The following THOC5 variants were observed in gnomAD, a reference collection of about 807,000 sequenced individuals.
The protein encoded by THOC5 is Fms-interacting protein.
In THOC5, 43 loss-of-function variants were observed where a neutral mutation model predicts 92.9. The observed-to-expected ratio is 0.46, with a 90% CI of 0.36 to 0.60. The LOEUF (loss-of-function observed/expected upper bound fraction) is 0.60, where lower values mean the gene tolerates loss of function less well. Among genes scored for constraint, THOC5 ranks in the 20% least tolerant of loss-of-function variants. The pLI is 0.00. For missense variants in THOC5, 659 were observed against 849.4 expected (o/e 0.78, Z 2.79); for synonymous variants, 296 against 320.1 (o/e 0.92, Z 0.80).
At chr22:29,510,647 C>G (rs2063206232) in intron 19 of THOC5, among the ~76,000 whole-genome samples, 2 of 151,988 alleles carry the variant, frequency 1.3e-5, no homozygotes, top group Non-Finnish European at 2.9e-5. Flanking sequence ...GAGGAGGGCT[C>G]AGAGCTAAGC....
At chr22:29,509,158 C>T (rs541592548) in intron 19 of THOC5, among the ~76,000 whole-genome samples, 3 of 151,520 alleles carry the variant, frequency 2.0e-5, no homozygotes, top group South Asian at 4.2e-4. Context: ...GGAGCTCAGC[C>T]TGGAGACACA....
chr22:29,543,460 C>G lies in THOC5; in HGVS notation c.323G>C (p.Arg108Thr), dbSNP rs1490736324. The G allele has an allele frequency of 6.2e-7, 1 of 1,613,544 alleles. No individual in the cohort carries two copies. Among genetic ancestry groups the G allele is most frequent in the Non-Finnish European group, 8.5e-7 (1 of 1,179,908 alleles). The change falls in exon 4 of 20, where the codon AGG becomes ACG. Residue 108 changes from arginine to threonine, a missense_variant. Coordinates refer to ENST00000490103, the MANE Select transcript of THOC5 (RefSeq NM_003678.5). ...LKKLNRLAHI[R>T]LKKGRDQTHE... ...GGTCTGATCTCTTCCTTTCTTCAAC[C>G]TGATGTGGGCTAATCGGTTAAGCTT...
chr22:29,511,172 C>T lies in THOC5; in HGVS notation c.1922G>A (p.Ser641Asn). ...VLLDVYLETE[S>N]HDDSVEGPKE... ...GGGCCCCTCCACACTGTCGTCATGG[C>T]TCTCGGTCTCCAGGTAAACATCCAG... Residue 641 changes from serine (S) to asparagine (N), a missense_variant, in exon 19 of 20, where the codon AGC becomes AAC. By Grantham distance (46) the Ser-to-Asn change is conservative (BLOSUM62 1). Coordinates refer to ENST00000490103, the MANE Select transcript of THOC5 (RefSeq NM_003678.5). The T allele has an allele frequency of 1.2e-6, 2 of 1,614,244 alleles. No homozygotes were observed. The highest frequency in any genetic ancestry group is 3.3e-5 in the Admixed American group (2 of 60,024).
chr22:29,508,406 G>T lies in THOC5; in HGVS notation c.*51C>A, dbSNP rs2063159302. 2 of 1,562,426 alleles carry T rather than the reference G, an allele frequency of 1.3e-6. No individual in the cohort carries two copies. The highest frequency in any genetic ancestry group is 1.4e-5 in the African/African-American group (1 of 73,908). On this transcript the variant is annotated 3_prime_UTR_variant, in exon 20 of 20. Coordinates refer to ENST00000490103, the MANE Select transcript of THOC5 (RefSeq NM_003678.5). ...ATGTGGGCCAGAGCAGAAAGCAGAA[G>T]CCCAGTGCTCAGGGTGAGGCCTTGG...
At position 29,525,473 on chromosome 22, in the gene THOC5, G is replaced by A. The variant is rs550751416; in HGVS notation, c.1175+365C>T. Among the ~76,000 whole-genome samples, 4 of 152,238 alleles carry A rather than the reference G, an allele frequency of 2.6e-5. No individual in the cohort carries two copies. In the East Asian group the frequency reaches 7.7e-4, roughly 29 times the overall value. On this transcript the variant is annotated intron_variant, in intron 12 of 19. Coordinates refer to ENST00000490103, the MANE Select transcript of THOC5 (RefSeq NM_003678.5). ...AAATCCCAGCACCTTGGGATAGAAA[G>A]AGAAAAGGGAAAGAGTGGCCTGAAT...
intron 2 of THOC5, among the ~76,000 whole-genome samples, chr22:29,545,891 A>G (rs960339958): frequency 6.6e-6 from 1 of 152,240 alleles, no homozygotes; most frequent in Non-Finnish European, 1.5e-5. Context: ...GCAGTGCCTC[A>G]GTAGGGACTG....
intron 15 of THOC5, among the ~76,000 whole-genome samples, 161 bp downstream of exon 15, chr22:29,518,845 G>A (rs1182659362): frequency 6.6e-6 from 1 of 152,206 alleles, no homozygotes; most frequent in Non-Finnish European, 1.5e-5. Context: ...GACAGGCCTG[G>A]AGCTCTCCCC....
intron 12 of THOC5, among the ~76,000 whole-genome samples, chr22:29,522,808 C>G (rs1042249245): frequency 3.3e-5 from 5 of 152,134 alleles, no homozygotes; most frequent in Admixed American, 2.0e-4. Flanking sequence ...CGAGACCATC[C>G]TGGCCGAAAT....
At chr22:29,519,967 G>T in intron 14 of THOC5, 41 bp downstream of exon 14, 3 of 1,544,466 alleles carry the variant, frequency 1.9e-6, no homozygotes, top group Non-Finnish European at 2.7e-6. Context: ...GAAGAGAAGA[G>T]GTAAGCTCCT....
At chr22:29,523,694 C>A (rs902179344) in intron 12 of THOC5, among the ~76,000 whole-genome samples, 8 of 152,112 alleles carry the variant, frequency 5.3e-5, no homozygotes, top group African/African-American at 1.9e-4. Flanking sequence ...TGATAAGATA[C>A]TTGAAAGAAG....
chr22:29,524,571 T>G (rs2063506520), intron 12 of THOC5, among the ~76,000 whole-genome samples: 1 of 152,132 alleles, frequency 6.6e-6, no homozygotes, highest in Admixed American at 6.5e-5. Context: ...CTGGGGGCCC[T>G]GGAACTCCTC....
At chr22:29,534,786 C>T (rs1170702465) in intron 7 of THOC5, 1 of 151,584 alleles carries the variant, frequency 6.6e-6, no homozygotes, top group Non-Finnish European at 1.5e-5. Context: ...AACCCCGTCT[C>T]TACTAAAAAT....
At position 29,537,774 on chromosome 22, in the gene THOC5, C is replaced by T. The variant is rs79401026; in HGVS notation, c.600-1036G>A. Among the ~76,000 whole-genome samples the T allele has an allele frequency of 7.4e-3, 1,125 of 152,078 alleles. 13 individuals are homozygous for T. Among genetic ancestry groups the T allele is most frequent in the African/African-American group, 0.026 (1,076 of 41,498 alleles). On this transcript the variant is annotated intron_variant, in intron 6 of 19. Transcript: ENST00000490103. ...GCGTGGTGGCACACGCCTTGTAGTC[C>T]CAGCTTCTCAGGAGGCTGAGGCAGG...
rs780854520 is a variant in THOC5, at chr22:29,525,802, T to A, written c.1175+36A>T. On this transcript the variant is annotated intron_variant, in intron 12 of 19. Transcript: ENST00000490103. ...CAATGAGGCTCTCATCACCTCCCCATCCCGCACGTCATTGCCCAGAGCGCC... is the reference window on the plus strand; with the variant it reads ...CAATGAGGCTCTCATCACCTCCCCAACCCGCACGTCATTGCCCAGAGCGCC... 28 of 1,555,158 alleles carry A rather than the reference T, an allele frequency of 1.8e-5. No individual in the cohort carries two copies. In the East Asian group the frequency reaches 3.2e-4, roughly 18 times the overall value.
chr22:29,512,624 C>T (rs1487619733), intron 17 of THOC5, among the ~76,000 whole-genome samples: 1 of 152,160 alleles, frequency 6.6e-6, no homozygotes. Flanking sequence ...TGTAGAGAGT[C>T]CTTACTGTAT....
intron 8 of THOC5, among the ~76,000 whole-genome samples, 176 bp from the exon 9 acceptor site, chr22:29,529,415 C>T (rs966640702): frequency 2.0e-5 from 3 of 152,054 alleles, no homozygotes; most frequent in African/African-American, 7.2e-5. Flanking sequence ...GACACTTAAG[C>T]TTTTTTTTCC....
chr22:29,519,163 C>G (rs1192478985), intron 14 of THOC5, 43 bp from the exon 15 acceptor site: 1 of 1,371,226 alleles, frequency 7.3e-7, no homozygotes. Context: ...CTCCCCCATC[C>G]CTTCCTCCGG....
At chr22:29,516,213 G>A (rs1167623265) in intron 17 of THOC5, among the ~76,000 whole-genome samples, 4 of 151,568 alleles carry the variant, frequency 2.6e-5, no homozygotes, top group East Asian at 3.9e-4. Context: ...TCCAAATAGT[G>A]GTCACTTATT....
chr22:29,518,009 C>T (rs1235564415), intron 15 of THOC5, among the ~76,000 whole-genome samples: 2 of 152,134 alleles, frequency 1.3e-5, no homozygotes, highest in Non-Finnish European at 2.9e-5. Flanking sequence ...AACCCAATGC[C>T]TTTCCTGACA....
Sources: gnomAD v4.1 joint callset for allele counts (sites outside exome capture counted in the v4.1 genomes callset) on GRCh38, gnomAD v4.1.1 for gene constraint, MANE v1.5 for transcripts, NCBI Gene and HGNC (gene_info 2026-07-23, HGNC 2026-07-21) for gene names.